The following SDK1 variants were observed in gnomAD, a reference collection of about 807,000 sequenced individuals.
SDK1 encodes the protein protein sidekick-1.
A neutral mutation model predicts 245.5 loss-of-function variants in SDK1; 157 were observed. That is an observed-to-expected ratio of 0.64 (90% confidence interval 0.56 to 0.73). The LOEUF (loss-of-function observed/expected upper bound fraction) is 0.73, where lower values mean the gene tolerates loss of function less well. Among genes scored for constraint, SDK1 ranks in the 30% least tolerant of loss-of-function variants. SDK1 has a pLI of 0.00. For synonymous variants in SDK1, 1,647 were observed against 1,278.5 expected, an observed-to-expected ratio of 1.29 and a Z score of -6.15; for missense variants, 3,583 against 3,002.3, an observed-to-expected ratio of 1.19 and a Z score of -4.52.
intron 1 of SDK1, among the ~76,000 whole-genome samples, chr7:3,481,551 C>G (rs1189568390): frequency 6.6e-6 from 1 of 152,182 alleles, no homozygotes; most frequent in Non-Finnish European, 1.5e-5. Context: ...GAAACGAGGG[C>G]AAAGAATTAG....
chr7:3,963,998 G>A (rs1186092087), intron 9 of SDK1, among the ~76,000 whole-genome samples: 2 of 152,218 alleles, frequency 1.3e-5, no homozygotes, highest in African/African-American at 4.8e-5. Context: ...ACGGCTACCC[G>A]GATGTATCCA....
rs996549814 is a variant in SDK1 at position 3,998,183 on chromosome 7, C to A, written c.2131+10861C>A. ...GCAGCCACGGTTTGGGCATCTGCAG[C>A]GGCACCCCGGGAGCTCCCGCCCCAA... On this transcript the variant is annotated intron_variant, in intron 14 of 44. Coordinates refer to ENST00000404826, the MANE Select transcript of SDK1 (RefSeq NM_152744.4). Among the ~76,000 whole-genome samples, 7 of 152,310 alleles carry A rather than the reference C, an allele frequency of 4.6e-5. No homozygotes were observed. In the South Asian group the frequency reaches 1.5e-3, roughly 32 times the overall value.
At chr7:4,129,665 C>A in intron 26 of SDK1, 1 of 1,377,692 alleles carries the variant, frequency 7.3e-7, no homozygotes, top group Non-Finnish European at 9.4e-7. Flanking sequence ...TATGACCAGG[C>A]AGCAGGCTCG....
chr7:3,319,496 T>C (rs953984426), intron 1 of SDK1, among the ~76,000 whole-genome samples: 4 of 152,206 alleles, frequency 2.6e-5, no homozygotes, highest in African/African-American at 9.6e-5. Flanking sequence ...TTTAGAAGTT[T>C]CTTTTTATTA....
At chr7:3,328,432 T>G (rs959386961) in intron 1 of SDK1, among the ~76,000 whole-genome samples, 1 of 152,058 alleles carries the variant, frequency 6.6e-6, no homozygotes, top group African/African-American at 2.4e-5. Flanking sequence ...CTAGTTCAGA[T>G]GATCTGGGTT....
chr7:4,153,922 C>G (rs1370956444), intron 30 of SDK1, among the ~76,000 whole-genome samples: 1 of 152,018 alleles, frequency 6.6e-6, no homozygotes, highest in East Asian at 1.9e-4. Flanking sequence ...CTCAAGTGAT[C>G]CTCTCACCTC....
At chr7:4,188,103 G>A (rs1470691421) in intron 35 of SDK1, among the ~76,000 whole-genome samples, 1 of 152,156 alleles carries the variant, frequency 6.6e-6, no homozygotes, top group Non-Finnish European at 1.5e-5. Context: ...CTCTCGCTGG[G>A]CCTCTTCCGC....
At chr7:3,747,294 C>G (rs1469012335) in intron 4 of SDK1, among the ~76,000 whole-genome samples, 1 of 152,172 alleles carries the variant, frequency 6.6e-6, no homozygotes, top group African/African-American at 2.4e-5. Flanking sequence ...ACCCAATAGG[C>G]AAGTCTTTAG....
intron 1 of SDK1, among the ~76,000 whole-genome samples, chr7:3,610,391 G>A (rs1335116464): frequency 6.6e-6 from 1 of 152,132 alleles, no homozygotes; most frequent in Non-Finnish European, 1.5e-5. Context: ...AATAATGTTG[G>A]TTATTTCTGA....
chr7:3,514,899 C>G (rs906337554), intron 1 of SDK1, among the ~76,000 whole-genome samples: 4 of 152,190 alleles, frequency 2.6e-5, no homozygotes, highest in Non-Finnish European at 4.4e-5. Flanking sequence ...CTCTCTTTCT[C>G]TCTTTCACTC....
intron 2 of SDK1, among the ~76,000 whole-genome samples, chr7:3,635,758 G>A (rs1301434088): frequency 1.3e-5 from 2 of 152,024 alleles, no homozygotes; most frequent in East Asian, 3.9e-4. Context: ...CCAGGCTGGA[G>A]TGCAGTGGCA....
chr7:3,539,949 G>T (rs909286901), intron 1 of SDK1, among the ~76,000 whole-genome samples: 4 of 152,220 alleles, frequency 2.6e-5, no homozygotes, highest in Non-Finnish European at 5.9e-5. Context: ...TAGGCATAAT[G>T]ACATACCTCC....
Position 4,079,553 on chromosome 7 carries a change from C to T in SDK1, c.3293C>T (p.Thr1098Met), listed in dbSNP as rs558333771. 68 of 1,614,218 alleles carry T rather than the reference C, an allele frequency of 4.2e-5. No individual in the cohort carries two copies. Among genetic ancestry groups the T allele is most frequent in the East Asian group, 3.1e-4 (14 of 44,874 alleles). Residue 1098 changes from threonine (T) to methionine (M), a missense_variant, in exon 22 of 45, where the codon ACG becomes ATG. Transcript: ENST00000404826. ...LQFRPGYDGKTSISRWIVEGQ... is the reference protein window; with the variant it reads ...LQFRPGYDGKMSISRWIVEGQ... ...TTCCGGCCAGGCTATGACGGGAAAA[C>T]GTCCATCTCCAGGTGGATTGTTGAG...
intron 1 of SDK1, among the ~76,000 whole-genome samples, chr7:3,500,244 A>T (rs1180785147): frequency 6.6e-6 from 1 of 152,008 alleles, no homozygotes; most frequent in Non-Finnish European, 1.5e-5. Context: ...TTTGCTTCTT[A>T]TTTGTACTGA....
rs1171841728 is a variant in SDK1 at position 3,376,040 on chromosome 7, A to T, written c.298+74156A>T. 5.9e-5 allele frequency among the ~76,000 whole-genome samples: 9 copies of T among 152,138 alleles called. 1 individual carries two copies. Among genetic ancestry groups the T allele is most frequent in the Non-Finnish European group, 1.2e-4 (8 of 68,016 alleles). On this transcript the variant is annotated intron_variant, in intron 1 of 44. Coordinates refer to ENST00000404826, the MANE Select transcript of SDK1 (RefSeq NM_152744.4). Reference sequence around the variant, plus strand: ...TCTTACTGAATTCTGCATCAAGAAAATTCCAGATGTGCTGGGCATGGTAGC... The same window carrying T: ...TCTTACTGAATTCTGCATCAAGAAATTTCCAGATGTGCTGGGCATGGTAGC...
chr7:3,588,180 C>T (rs1465057387), intron 1 of SDK1, among the ~76,000 whole-genome samples: 1 of 152,120 alleles, frequency 6.6e-6, no homozygotes, highest in Non-Finnish European at 1.5e-5. Context: ...TCTGATTTGT[C>T]AGTCAAATAT....
intron 1 of SDK1, among the ~76,000 whole-genome samples, chr7:3,397,300 C>G (rs1023518843): frequency 1.3e-5 from 2 of 151,792 alleles, no homozygotes; most frequent in African/African-American, 2.4e-5. Context: ...TTGGTACTTT[C>G]AAATTTTTTT....
chr7:3,778,469 C>A (rs1026882277), intron 4 of SDK1, among the ~76,000 whole-genome samples: 1 of 152,134 alleles, frequency 6.6e-6, no homozygotes, highest in Non-Finnish European at 1.5e-5. Flanking sequence ...TATTTTCTAT[C>A]TTTTTACATC....
At chr7:4,155,694 C>T (rs1343762967) in intron 30 of SDK1, among the ~76,000 whole-genome samples, 3 of 152,160 alleles carry the variant, frequency 2.0e-5, no homozygotes, top group Non-Finnish European at 4.4e-5. Context: ...ATTTACGTGT[C>T]CTCATAGGCA....
Sources: allele counts gnomAD v4.1 joint callset (sites outside exome capture counted in the v4.1 genomes callset), GRCh38; gene constraint gnomAD v4.1.1; transcripts MANE v1.5; gene names NCBI Gene and HGNC (gene_info 2026-07-23, HGNC 2026-07-21).